MANBA: variants seen among roughly 807,000 people sequenced by gnomAD.
MANBA encodes the protein mannosidase beta.
MANBA carries 83 observed loss-of-function variants against 111.1 expected under a neutral mutation model. The ratio of observed to expected loss-of-function variants is 0.75; its 90% CI spans 0.63 to 0.90. The LOEUF (loss-of-function observed/expected upper bound fraction) is 0.90. Among genes scored for constraint, MANBA ranks in the 40% least tolerant of loss-of-function variants. The pLI is 0.00. For missense variants in MANBA, 1,036 were observed against 1,069.0 expected, an observed-to-expected ratio of 0.97 and a Z score of 0.43; for synonymous variants, 370 against 378.7, an observed-to-expected ratio of 0.98 and a Z score of 0.27.
chr4:102,638,525 G>T (rs912613525), intron 14 of MANBA, among the ~76,000 whole-genome samples: 2 of 152,122 alleles, frequency 1.3e-5, no homozygotes, highest in African/African-American at 4.8e-5. Flanking sequence ...AATCTGCATG[G>T]GATCACTTAA....
chr4:102,690,708 G>A lies in MANBA; in HGVS notation c.737C>T (p.Pro246Leu). The change falls in exon 6 of 17, where the codon CCA (proline) becomes CTA (leucine). Residue 246 changes from proline to leucine, a missense_variant. Transcript: ENST00000647097. ...GGCTACGATCACTTGACCACCAACTGGCTTTGAGCTGACAACATCAAATGT... is the reference window on the plus strand; with the variant it reads ...GGCTACGATCACTTGACCACCAACTAGCTTTGAGCTGACAACATCAAATGT... ...ESTFDVVSSKPVGGQVIVAIP... is the reference protein window; with the variant it reads ...ESTFDVVSSKLVGGQVIVAIP... 6.2e-7 allele frequency: 1 copy of A among 1,606,980 alleles called. No homozygotes were observed. The highest frequency in any genetic ancestry group is 8.5e-7 in the Non-Finnish European group (1 of 1,175,518).
chr4:102,754,915 T>C (rs1023046414), intron 1 of MANBA, among the ~76,000 whole-genome samples: 1 of 152,166 alleles, frequency 6.6e-6, no homozygotes, highest in African/African-American at 2.4e-5. Flanking sequence ...AAAATTAGAA[T>C]GGATGCACTG....
At position 102,727,672 on chromosome 4, in the gene MANBA, T is replaced by C. The variant is rs138958881; in HGVS notation, c.178-989A>G. On this transcript the variant is annotated intron_variant, in intron 1 of 16. Transcript: ENST00000647097. ...ACAGTCTTCTCTAAGTTGAACGCAG[T>C]CTCAGCAGAATCTCCCTCAGGAGGA... 5,458 of 1,385,254 alleles carry C rather than the reference T, an allele frequency of 3.9e-3. 94 individuals carry two copies. In the African/African-American group the frequency reaches 0.044, roughly 11 times the overall value. 85.8% of individuals were successfully genotyped at this position (1,385,254 alleles called of 1,614,324 possible).
Position 102,730,101 on chromosome 4 carries a change from G to A in MANBA, c.178-3418C>T, listed in dbSNP as rs546024033. 898 of 1,038,414 alleles carry A rather than the reference G, an allele frequency of 8.6e-4. 3 individuals are homozygous for A. Among genetic ancestry groups the A allele is most frequent in the Non-Finnish European group, 1.1e-3 (781 of 718,850 alleles). The allele number at this position is 1,038,414 out of a possible 1,614,324, so 64.3% of individuals were successfully genotyped here. On this transcript the variant is annotated intron_variant, in intron 1 of 16. Transcript: ENST00000647097. ...CTGGACACTGGGCCCACTTGTGTAG[G>A]AGTGGCTGCTGAAGGCCCGGGGCCC...
intron 5 of MANBA, among the ~76,000 whole-genome samples, chr4:102,700,695 CT>C (rs1172867938): frequency 6.6e-6 from 1 of 152,048 alleles, no homozygotes; most frequent in Admixed American, 6.6e-5. Context: ...ATTCTGAGTT[CT>C]AGTTTGATTG....
At chr4:102,652,298 T>C (rs987956198) in intron 12 of MANBA, among the ~76,000 whole-genome samples, 6 of 152,220 alleles carry the variant, frequency 3.9e-5, no homozygotes, top group Non-Finnish European at 5.9e-5. Context: ...TCTACTTCTT[T>C]GAGCTGAACT....
chr4:102,670,242 G>A (rs139353573), intron 9 of MANBA, among the ~76,000 whole-genome samples: 245 of 151,558 alleles, frequency 1.6e-3, no homozygotes, highest in African/African-American at 5.4e-3. Flanking sequence ...AGTTGTTAGA[G>A]TTTGGATAAA....
intron 2 of MANBA, 53 bp from the exon 3 acceptor site, chr4:102,724,020 T>A (rs1722689720): frequency 5.2e-6 from 5 of 952,578 alleles, no homozygotes; most frequent in Non-Finnish European, 8.3e-6. Context: ...TTAACTTAGA[T>A]AAGTCTCTTT....
intron 1 of MANBA, among the ~76,000 whole-genome samples, chr4:102,735,521 CAAAAA>C (rs35650118): frequency 8.8e-6 from 1 of 113,244 alleles, no homozygotes. Flanking sequence ...GAGAAAATAC[CAAAAA>C]AAAAAAAAAA....
chr4:102,747,337 C>T (rs1723626333), intron 1 of MANBA, among the ~76,000 whole-genome samples: 3 of 152,100 alleles, frequency 2.0e-5, no homozygotes, highest in Non-Finnish European at 4.4e-5. Context: ...AAGATAGAGG[C>T]TGGGAGGATA....
chr4:102,734,755 G>A (rs1723148981), intron 1 of MANBA: 6 of 594,230 alleles, frequency 1.0e-5, no homozygotes, highest in Non-Finnish European at 1.8e-5. Flanking sequence ...CAGAGATCTA[G>A]ACAGTCATGA....
In MANBA at chr4:102,723,084, T is replaced by C. The variant is rs202037793; in HGVS notation, c.379-43A>G. The C allele has an allele frequency of 9.8e-5, 153 of 1,562,646 alleles. No individual in the cohort carries two copies. In the African/African-American group the frequency reaches 1.9e-3, roughly 20 times the overall value. On this transcript the variant is annotated intron_variant, in intron 3 of 16. Coordinates refer to ENST00000647097, the MANE Select transcript of MANBA (RefSeq NM_005908.4). Reference sequence around the variant, plus strand: ...ATCAGACAAACCCATGATGTGGAAGTAGTCTTGTGTGTAAAATTTTAGATA... The same window carrying C: ...ATCAGACAAACCCATGATGTGGAAGCAGTCTTGTGTGTAAAATTTTAGATA...
chr4:102,738,310 C>T (rs1723289569), intron 1 of MANBA, among the ~76,000 whole-genome samples: 1 of 152,212 alleles, frequency 6.6e-6, no homozygotes, highest in Admixed American at 6.5e-5. Flanking sequence ...TTTGAGAAAG[C>T]CAGTGCACTA....
intron 16 of MANBA, among the ~76,000 whole-genome samples, chr4:102,633,634 A>G (rs1729485758): frequency 6.6e-6 from 1 of 152,242 alleles, no homozygotes; most frequent in African/African-American, 2.4e-5. Flanking sequence ...AATCAAAATG[A>G]GATAGAACAA....
chr4:102,712,776 A>AAAGTG (rs1553951141), intron 5 of MANBA, among the ~76,000 whole-genome samples: 2 of 152,028 alleles, frequency 1.3e-5, no homozygotes, highest in Non-Finnish European at 2.9e-5. Context: ...GAATCCACCC[A>AAAGTG]CTTTGGCCTC....
At chr4:102,746,555 T>C (rs150012614) in intron 1 of MANBA, among the ~76,000 whole-genome samples, 79 of 152,330 alleles carry the variant, frequency 5.2e-4, no homozygotes, top group African/African-American at 1.8e-3. Flanking sequence ...AGGTATTATG[T>C]TTCAAGTCAC....
chr4:102,664,352 CTT>C (rs35167854), intron 11 of MANBA, among the ~76,000 whole-genome samples: 6 of 146,102 alleles, frequency 4.1e-5, no homozygotes, highest in Admixed American at 6.8e-5. Flanking sequence ...AACATACATT[CTT>C]TTTTTTTTTT....
At chr4:102,661,141 T>C (rs1448003565) in intron 11 of MANBA, among the ~76,000 whole-genome samples, 1 of 152,200 alleles carries the variant, frequency 6.6e-6, no homozygotes, top group Non-Finnish European at 1.5e-5. Context: ...TTTTTACCTT[T>C]ATTTACATTG....
At chr4:102,757,125 T>C (rs1724057282) in intron 1 of MANBA, among the ~76,000 whole-genome samples, 2 of 150,892 alleles carry the variant, frequency 1.3e-5, no homozygotes, top group Admixed American at 1.3e-4. Flanking sequence ...AGGTTGGGAG[T>C]TCAAGACCAG....
Sources: allele counts gnomAD v4.1 joint callset (sites outside exome capture counted in the v4.1 genomes callset), GRCh38; gene constraint gnomAD v4.1.1; transcripts MANE v1.5; gene names NCBI Gene and HGNC (gene_info 2026-07-23, HGNC 2026-07-21).